ANKRD55: variants seen among roughly 807,000 people sequenced by gnomAD.
ANKRD55 encodes the protein ankyrin repeat domain-containing protein 55.
ANKRD55 carries 41 observed loss-of-function variants against 60.6 expected under a neutral mutation model. The observed-to-expected ratio is 0.68, with a 90% CI of 0.53 to 0.88. ANKRD55 has a LOEUF of 0.88. ANKRD55 is among the 40% of genes least tolerant of loss of function. The probability of loss-of-function intolerance (pLI) is 0.00; values close to 1 mark genes in which losing one functional copy is unlikely to be tolerated. For missense variants in ANKRD55, 732 were observed against 767.6 expected, an observed-to-expected ratio of 0.95 and a Z score of 0.55; for synonymous variants, 264 against 290.3, an observed-to-expected ratio of 0.91 and a Z score of 0.92.
intron 7 of ANKRD55, among the ~76,000 whole-genome samples, chr5:56,128,609 T>TA (rs1271282741): frequency 6.6e-6 from 1 of 152,224 alleles, no homozygotes; most frequent in African/African-American, 2.4e-5. Flanking sequence ...CTTTTCTTTG[T>TA]AAGAAGATCC....
intron 9 of ANKRD55, among the ~76,000 whole-genome samples, chr5:56,112,449 TTGA>T (rs1481921028): frequency 1.5e-5 from 2 of 132,620 alleles, no homozygotes; most frequent in East Asian, 4.2e-4. Flanking sequence ...GGAGGATCAC[TTGA>T]TGTCAAGAGT....
intron 5 of ANKRD55, among the ~76,000 whole-genome samples, chr5:56,166,134 CTTTCTTTCTTT>C (rs1335966422): frequency 2.0e-5 from 2 of 99,512 alleles, no homozygotes; most frequent in Non-Finnish European, 3.7e-5. Context: ...TTCTTTCTTT[CTTTCTTTCTTT>C]CTTTCTTTCT....
intron 6 of ANKRD55, 53 bp downstream of exon 6, chr5:56,159,780 C>T: frequency 6.3e-7 from 1 of 1,574,986 alleles, no homozygotes; most frequent in Non-Finnish European, 8.7e-7. Context: ...AAACGCCCTT[C>T]CTTTCACCCT....
At position 56,111,526 on chromosome 5, in the gene ANKRD55, T is replaced by G; in HGVS notation, c.1222A>C (p.Lys408Gln). 3 of 1,614,122 alleles carry G rather than the reference T, an allele frequency of 1.9e-6. No individual in the cohort carries two copies. The highest frequency in any genetic ancestry group is 2.5e-6 in the Non-Finnish European group (3 of 1,180,026). The change falls in exon 10 of 12, where the codon AAG (lysine) becomes CAG (glutamine). Residue 408 changes from lysine to glutamine, a missense_variant. Coordinates refer to ENST00000341048, the MANE Select transcript of ANKRD55 (RefSeq NM_024669.3). ...TATTTTGAATTGTCTGAGGTTTTCT[T>G]CTTAAATTCAACCATAGCCACCTGA... ...GDQVAMVEFK[K>Q]KTSDNSKYLL... is the part of the protein sequence containing the mutation.
chr5:56,226,391 C>T (rs1235559566), intron 2 of ANKRD55, among the ~76,000 whole-genome samples: 3 of 152,076 alleles, frequency 2.0e-5, no homozygotes, highest in Non-Finnish European at 4.4e-5. Flanking sequence ...AGAAGAAAAC[C>T]TAGGCAATAC....
chr5:56,138,764 T>C (rs928969952), intron 7 of ANKRD55, among the ~76,000 whole-genome samples: 3 of 152,214 alleles, frequency 2.0e-5, no homozygotes, highest in Non-Finnish European at 4.4e-5. Flanking sequence ...TCCAATCATA[T>C]GACATTCTGG....
intron 10 of ANKRD55, among the ~76,000 whole-genome samples, chr5:56,103,446 C>G (rs896321369): frequency 1.3e-5 from 2 of 152,146 alleles, no homozygotes; most frequent in Admixed American, 6.5e-5. Context: ...AGGGAACACA[C>G]AAATGTGATT....
intron 3 of ANKRD55, among the ~76,000 whole-genome samples, chr5:56,183,086 T>C (rs1758885018): frequency 6.6e-6 from 1 of 152,216 alleles, no homozygotes; most frequent in African/African-American, 2.4e-5. Context: ...TCTCAGCTCA[T>C]CTGTCATTTT....
intron 11 of ANKRD55, 126 bp from the exon 12 acceptor site, chr5:56,100,430 A>T: frequency 8.9e-7 from 1 of 1,127,370 alleles, no homozygotes; most frequent in Non-Finnish European, 1.3e-6. Context: ...TGAGAGCTAG[A>T]CTGCAGAGAG....
At chr5:56,161,962 G>A (rs2111797018) in intron 5 of ANKRD55, 3 of 985,272 alleles carry the variant, frequency 3.0e-6, no homozygotes, top group Non-Finnish European at 3.6e-6. Context: ...GCTGCTTTGT[G>A]AGTGGGGGCA....
At chr5:56,229,457 G>T (rs1760195626) in intron 2 of ANKRD55, among the ~76,000 whole-genome samples, 1 of 152,166 alleles carries the variant, frequency 6.6e-6, no homozygotes, top group African/African-American at 2.4e-5. Flanking sequence ...CAAATGATCT[G>T]ATCGTTGGGC....
rs1316069636 is a variant in ANKRD55 at position 56,207,320 on chromosome 5, G to GATCAACAA, written c.59-23687_59-23686insTTGTTGAT. Among the ~76,000 whole-genome samples the GATCAACAA allele has an allele frequency of 5.3e-5, 8 of 152,274 alleles. No individual in the cohort carries two copies. The East Asian group carries it at 1.5e-3, about 29-fold the overall frequency. Reference sequence around the variant, plus strand: ...AATGGAGAAATCCTTGTTGATCTGAGGGCATAGAAAGATTTTAACATTTAA... The same window carrying GATCAACAA: ...AATGGAGAAATCCTTGTTGATCTGAGATCAACAAGGCATAGAAAGATTTTAACATTTAA... On this transcript the variant is annotated intron_variant, in intron 2 of 11. Transcript: ENST00000341048.
At chr5:56,219,201 A>G (rs1759898995) in intron 2 of ANKRD55, among the ~76,000 whole-genome samples, 1 of 137,006 alleles carries the variant, frequency 7.3e-6, no homozygotes, top group South Asian at 2.5e-4. Flanking sequence ...TAAACCCCGG[A>G]GGTGGAGGTT....
intron 4 of ANKRD55, among the ~76,000 whole-genome samples, chr5:56,174,225 T>C (rs1666887300): frequency 6.6e-6 from 1 of 152,212 alleles, no homozygotes; most frequent in Non-Finnish European, 1.5e-5. Flanking sequence ...TGTCCATCAT[T>C]ATTCACCGTG....
chr5:56,133,229 G>A (rs909480506), intron 7 of ANKRD55, among the ~76,000 whole-genome samples: 33 of 150,076 alleles, frequency 2.2e-4, no homozygotes, highest in African/African-American at 6.1e-4. Context: ...TCACAAGGTC[G>A]GGAGTTCGAG....
intron 2 of ANKRD55, among the ~76,000 whole-genome samples, chr5:56,191,948 A>G (rs538116078): frequency 6.6e-6 from 1 of 152,384 alleles, no homozygotes; most frequent in East Asian, 1.9e-4. Context: ...AGCATGATGT[A>G]GAAATAACAA....
chr5:56,208,200 A>G (rs182775029), intron 2 of ANKRD55, among the ~76,000 whole-genome samples: 4 of 152,100 alleles, frequency 2.6e-5, no homozygotes, highest in African/African-American at 9.7e-5. Flanking sequence ...AGGGACAGTA[A>G]CATGCAAAAA....
intron 8 of ANKRD55, among the ~76,000 whole-genome samples, chr5:56,123,937 G>C (rs928930302): frequency 6.6e-6 from 1 of 152,164 alleles, no homozygotes. Flanking sequence ...GGGGCTAAAG[G>C]GCAGGGCCCA....
chr5:56,143,770 C>T (rs1203534039), intron 7 of ANKRD55, 31 bp downstream of exon 7: 1 of 1,613,710 alleles, frequency 6.2e-7, no homozygotes, highest in East Asian at 2.2e-5. Flanking sequence ...ACCATTTAAA[C>T]CTGAGACCAG....
Sources: gnomAD v4.1 joint callset for allele counts (sites outside exome capture counted in the v4.1 genomes callset) on GRCh38, gnomAD v4.1.1 for gene constraint, MANE v1.5 for transcripts, NCBI Gene and HGNC (gene_info 2026-07-23, HGNC 2026-07-21) for gene names.